The following MOV10 variants were observed in gnomAD, a reference collection of about 807,000 sequenced individuals.
MOV10 encodes RNA helicase MOV-10.
A neutral mutation model predicts 108.4 loss-of-function variants in MOV10; 39 were observed. That is an observed-to-expected ratio of 0.36 (90% CI 0.28 to 0.47). The LOEUF is 0.47. MOV10 is among the 20% of genes least tolerant of loss of function. The pLI is 1.00. For synonymous variants in MOV10, 490 were observed against 523.1 expected (o/e 0.94, Z 0.86); for missense variants, 952 against 1,297.6 (o/e 0.73, Z 4.09).
At chr1:112,685,057 T>G (rs1672964280) in intron 2 of MOV10, 1 of 152,152 alleles carries the variant, frequency 6.6e-6, no homozygotes, top group Non-Finnish European at 1.5e-5. Context: ...CCAAGCTCTG[T>G]TAACCAAGCT....
At chr1:112,700,109 A>G (rs1262538873) in intron 19 of MOV10, 110 bp from the exon 20 acceptor site, 9 of 1,588,976 alleles carry the variant, frequency 5.7e-6, no homozygotes, top group Middle Eastern at 1.9e-4. Flanking sequence ...CAGCATCACT[A>G]TTGTATTTAT....
Position 112,694,218 on chromosome 1 carries a change from TC to T in MOV10, c.1295+47del. 2 of 1,609,566 alleles carry T rather than the reference TC, an allele frequency of 1.2e-6. No individual in the cohort carries two copies. Among genetic ancestry groups the T allele is most frequent in the African/African-American group, 2.7e-5 (2 of 74,876 alleles). On this transcript the variant is annotated intron_variant, in intron 8 of 20. Coordinates refer to ENST00000369645, the MANE Select transcript of MOV10 (RefSeq NM_001321324.2). The surrounding 1 kb of genome is among the most constrained non-coding windows in gnomAD (Gnocchi z 4.1). ...GAGCTGCTGGAAGGGTCTACAGACT[TC>T]TGACCCCAGGGGAGGAGGAGTGTTT...
chr1:112,694,276 G>A lies in MOV10; in HGVS notation c.1295+104G>A, dbSNP rs565423077. On this transcript the variant is annotated intron_variant, in intron 8 of 20. Coordinates refer to ENST00000369645, the MANE Select transcript of MOV10 (RefSeq NM_001321324.2). The surrounding 1 kb of genome is among the most constrained non-coding windows in gnomAD (Gnocchi z 4.1). ...GAGATAAATGAGACCCCGGGGCAGA[G>A]CAGGAGACTTTTCCTCAGGGGTACC... The A allele has an allele frequency of 8.5e-4, 1,262 of 1,490,194 alleles. 2 individuals carry two copies. The highest frequency in any genetic ancestry group is 1.0e-3 in the Non-Finnish European group (1,086 of 1,080,136). 92.3% of individuals were successfully genotyped at this position (1,490,194 alleles called of 1,614,324 possible).
chr1:112,679,341 C>T (rs1041983310), intron 2 of MOV10, among the ~76,000 whole-genome samples: 2 of 152,038 alleles, frequency 1.3e-5, no homozygotes, highest in African/African-American at 4.8e-5. Context: ...AGGATGTGTA[C>T]CTCAATTTCT....
chr1:112,689,409 C>T lies in MOV10; in HGVS notation c.342-6C>T. ...CCAACCCCCCCTTGACTCCCCTTCT[C>T]CCCAGGGCTGAGTATCTTCATGGGA... On this transcript the variant is annotated splice_region_variant and splice_polypyrimidine_tract_variant and intron_variant, in intron 3 of 20. Coordinates refer to ENST00000369645, the MANE Select transcript of MOV10 (RefSeq NM_001321324.2). 6 of 1,245,042 alleles carry T rather than the reference C, an allele frequency of 4.8e-6. No individual in the cohort carries two copies. The highest frequency in any genetic ancestry group is 6.7e-6 in the Non-Finnish European group (6 of 890,728). The allele number at this position is 1,245,042 out of a possible 1,614,324, so 77.1% of individuals were successfully genotyped here.
intron 17 of MOV10, 175 bp downstream of exon 17, chr1:112,698,964 T>C: frequency 1.6e-6 from 1 of 633,710 alleles, no homozygotes; most frequent in Non-Finnish European, 2.8e-6. Context: ...CTTAAGGGTC[T>C]GGGATGGGAT....
chr1:112,698,905 T>G, intron 17 of MOV10, 116 bp downstream of exon 17: 1 of 857,768 alleles, frequency 1.2e-6, no homozygotes, highest in Non-Finnish European at 2.0e-6. Flanking sequence ...CCTGCTGCCT[T>G]GAATAGAGCT....
intron 2 of MOV10, among the ~76,000 whole-genome samples, chr1:112,686,214 ACT>A (rs1329526171): frequency 6.6e-6 from 1 of 151,882 alleles, no homozygotes; most frequent in Non-Finnish European, 1.5e-5. Flanking sequence ...TACACTAGTG[ACT>A]CTCAAAAATG....
At chr1:112,697,650 G>T (rs985120447) in intron 14 of MOV10, among the ~76,000 whole-genome samples, 7 of 152,080 alleles carry the variant, frequency 4.6e-5, no homozygotes, top group Non-Finnish European at 8.8e-5. Context: ...TATATTTTTT[G>T]ATTTAACACA....
chr1:112,682,758 C>A (rs965908317), intron 2 of MOV10, among the ~76,000 whole-genome samples: 1 of 152,116 alleles, frequency 6.6e-6, no homozygotes, highest in Non-Finnish European at 1.5e-5. Flanking sequence ...TTTCACTTAG[C>A]GTAATGTTTT....
In MOV10 at chr1:112,675,084, G is replaced by A. The variant is rs1235453985; in HGVS notation, c.137+35G>A. 3 of 1,569,838 alleles carry A rather than the reference G, an allele frequency of 1.9e-6. No homozygotes were observed. The highest frequency in any genetic ancestry group is 5.1e-5 in the East Asian group (2 of 39,570). On this transcript the variant is annotated intron_variant, in intron 2 of 20. Coordinates refer to ENST00000369645, the MANE Select transcript of MOV10 (RefSeq NM_001321324.2). This position sits in a 1 kb window ranked among gnomAD's most constrained non-coding sequence, Gnocchi z 4.7. ...GGCCCACTCCCGGCCCCGAATCGCGGGCCCAGCTTGCTGCCACGACCCCCG... is the reference window on the plus strand; with the variant it reads ...GGCCCACTCCCGGCCCCGAATCGCGAGCCCAGCTTGCTGCCACGACCCCCG...
At position 112,694,909 on chromosome 1, in the gene MOV10, C is replaced by T. The variant is rs772146541; in HGVS notation, c.1620+13C>T. 4.3e-6 allele frequency: 7 copies of T among 1,612,238 alleles called. No homozygotes were observed. The East Asian group carries it at 1.1e-4, about 26-fold the overall frequency. On this transcript the variant is annotated intron_variant, in intron 10 of 20. Coordinates refer to ENST00000369645, the MANE Select transcript of MOV10 (RefSeq NM_001321324.2). This position sits in a 1 kb window ranked among gnomAD's most constrained non-coding sequence, Gnocchi z 4.1. ...GGCAATTAAGCAGGTGGGGTCTGAG[C>T]ACAAACCTGGGGCCTGCACTCTGAT...
Position 112,699,906 on chromosome 1 carries a change from G to C in MOV10, c.2722G>C (p.Ala908Pro). 6.2e-7 allele frequency: 1 copy of C among 1,614,102 alleles called. No homozygotes were observed. The highest frequency in any genetic ancestry group is 8.5e-7 in the Non-Finnish European group (1 of 1,180,022). ...TTCTTCCTTCCAGAGGTTCAATGTA[G>C]CTGTGACCCGGGCCAAGGCCCTGCT... ...FLKNPKRFNV[A>P]VTRAKALLII... The change falls in exon 19 of 21, where the codon GCT becomes CCT. Residue 908 changes from alanine to proline, a missense_variant. This residue lies in a region of MOV10 where 65 missense variants were observed against 124.3 expected (regional missense o/e 0.52). Transcript: ENST00000369645.
In MOV10 at chr1:112,694,238, A is replaced by G; in HGVS notation, c.1295+66A>G. The G allele has an allele frequency of 6.3e-7, 1 of 1,591,346 alleles. No individual in the cohort carries two copies. The highest frequency in any genetic ancestry group is 8.6e-7 in the Non-Finnish European group (1 of 1,161,168). Reference sequence around the variant, plus strand: ...AGACTTCTGACCCCAGGGGAGGAGGAGTGTTTCTCCCTGAGATAAATGAGA... The same window carrying G: ...AGACTTCTGACCCCAGGGGAGGAGGGGTGTTTCTCCCTGAGATAAATGAGA... On this transcript the variant is annotated intron_variant, in intron 8 of 20. Coordinates refer to ENST00000369645, the MANE Select transcript of MOV10 (RefSeq NM_001321324.2). This position sits in a 1 kb window ranked among gnomAD's most constrained non-coding sequence, Gnocchi z 4.1.
Sources: allele counts gnomAD v4.1 joint callset (sites outside exome capture counted in the v4.1 genomes callset), GRCh38; gene constraint gnomAD v4.1.1; regional missense constraint gnomAD v4.1.1; non-coding constraint Gnocchi (gnomAD v3.1); transcripts MANE v1.5; gene names NCBI Gene and HGNC (gene_info 2026-07-23, HGNC 2026-07-21).